Variants in FKBP5 observed in about 807,000 individuals in gnomAD.
FKBP5 encodes peptidyl-prolyl cis-trans isomerase FKBP5.
A neutral mutation model predicts 50.5 loss-of-function variants in FKBP5; 23 were observed. The ratio of observed to expected loss-of-function variants is 0.46; its 90% CI spans 0.33 to 0.65. The LOEUF (loss-of-function observed/expected upper bound fraction) is 0.65, where lower values mean the gene tolerates loss of function less well. FKBP5 is among the 30% of genes least tolerant of loss of function. FKBP5 has a pLI of 0.02. For missense variants in FKBP5, 411 were observed against 553.1 expected (o/e 0.74, Z 2.58); for synonymous variants, 176 against 190.6 (o/e 0.92, Z 0.63).
At chr6:35,602,450 C>T (rs1763174140) in intron 5 of FKBP5, among the ~76,000 whole-genome samples, 1 of 151,970 alleles carries the variant, frequency 6.6e-6, no homozygotes, top group Admixed American at 6.6e-5. Flanking sequence ...TACTACTCGA[C>T]AAGACTGGTT....
chr6:35,649,206 G>A (rs1237960323), intron 1 of FKBP5, among the ~76,000 whole-genome samples: 7 of 140,376 alleles, frequency 5.0e-5, no homozygotes, highest in South Asian at 4.4e-4. Context: ...AGCCAAGATC[G>A]CACCACTGCA....
At position 35,614,029 on chromosome 6, in the gene FKBP5, G is replaced by C. The variant is rs114317890; in HGVS notation, c.508+5067C>G. 7.3e-3 allele frequency among the ~76,000 whole-genome samples: 1,104 copies of C among 152,206 alleles called. 11 individuals are homozygous for C. The highest frequency in any genetic ancestry group is 0.023 in the African/African-American group (953 of 41,516). ...TCCTACCTCAGTCTTCTGGGTAGCTGGGACTAGAGGCATGTGCCATCACAT... is the reference window on the plus strand; with the variant it reads ...TCCTACCTCAGTCTTCTGGGTAGCTCGGACTAGAGGCATGTGCCATCACAT... On this transcript the variant is annotated intron_variant, in intron 5 of 10. Coordinates refer to ENST00000357266, the MANE Select transcript of FKBP5 (RefSeq NM_004117.4).
At chr6:35,726,173 G>A (rs922053154) in intron 1 of FKBP5, among the ~76,000 whole-genome samples, 3 of 152,212 alleles carry the variant, frequency 2.0e-5, no homozygotes, top group Non-Finnish European at 4.4e-5. Flanking sequence ...TACAGATGAC[G>A]GTGAGGAAGT....
intron 5 of FKBP5, among the ~76,000 whole-genome samples, chr6:35,608,113 A>C (rs1180689600): frequency 6.6e-6 from 1 of 152,230 alleles, no homozygotes; most frequent in Non-Finnish European, 1.5e-5. Flanking sequence ...TAAGTGAATT[A>C]ACACAGAAAC....
Position 35,591,118 on chromosome 6 carries a change from G to C in FKBP5, c.756+12C>G. On this transcript the variant is annotated intron_variant, in intron 7 of 10. Coordinates refer to ENST00000357266, the MANE Select transcript of FKBP5 (RefSeq NM_004117.4). Reference sequence around the variant, plus strand: ...ACCTACCATAATTTTAAGGAAGTTGGTATTTTCTCACCTTTTCGAAGCTCT... The same window carrying C: ...ACCTACCATAATTTTAAGGAAGTTGCTATTTTCTCACCTTTTCGAAGCTCT... The C allele has an allele frequency of 6.4e-7, 1 of 1,568,418 alleles. No individual in the cohort carries two copies. Among genetic ancestry groups the C allele is most frequent in the Admixed American group, 1.7e-5 (1 of 57,476 alleles).
chr6:35,605,701 A>C (rs2150968886), intron 5 of FKBP5, among the ~76,000 whole-genome samples: 1 of 152,244 alleles, frequency 6.6e-6, no homozygotes, highest in Non-Finnish European at 1.5e-5. Flanking sequence ...CCCAGCCGTC[A>C]ATATCATACT....
chr6:35,671,453 C>A (rs988765431), intron 1 of FKBP5, among the ~76,000 whole-genome samples: 7 of 151,706 alleles, frequency 4.6e-5, no homozygotes, highest in African/African-American at 1.5e-4. Flanking sequence ...TATAAAGCGC[C>A]TAACATTATA....
chr6:35,618,007 A>ATGATGAACTATTTTTTAATCT (rs1561860359), intron 5 of FKBP5, among the ~76,000 whole-genome samples: 1 of 152,224 alleles, frequency 6.6e-6, no homozygotes, highest in Non-Finnish European at 1.5e-5. Context: ...ATTGATCTAA[A>ATGATGAACTATTTTTTAATCT]TGATGAACTA....
chr6:35,720,315 AT>A (rs1359262117), intron 2 of FKBP5: 1 of 152,526 alleles, frequency 6.6e-6, no homozygotes, highest in Non-Finnish European at 1.5e-5. Flanking sequence ...CACGTACTCC[AT>A]GGGGTCCCTA....
At chr6:35,612,683 T>C (rs772453343) in intron 5 of FKBP5, among the ~76,000 whole-genome samples, 3 of 152,248 alleles carry the variant, frequency 2.0e-5, no homozygotes, top group Non-Finnish European at 4.4e-5. Context: ...CACACCCTTC[T>C]TCACATGGCG....
In FKBP5 at chr6:35,591,158, T is replaced by C; in HGVS notation, c.728A>G (p.Tyr243Cys). 6.2e-7 allele frequency: 1 copy of C among 1,613,028 alleles called. No individual in the cohort carries two copies. Among genetic ancestry groups the C allele is most frequent in the Non-Finnish European group, 8.5e-7 (1 of 1,179,476 alleles). Residue 243 changes from tyrosine (Y) to cysteine (C), a missense_variant, in exon 7 of 11, where the codon TAT (tyrosine) becomes TGT (cysteine). Transcript: ENST00000357266. ...TTCGAAGCTCTTAAGTGTAACTTCA[T>C]ATATAAGCTCAGCATTAGGTTCAAT... ...FGIEPNAELIYEVTLKSFEKA... is the reference protein window; with the variant it reads ...FGIEPNAELICEVTLKSFEKA...
chr6:35,600,365 T>C (rs1055621998), intron 5 of FKBP5, among the ~76,000 whole-genome samples: 4 of 151,692 alleles, frequency 2.6e-5, no homozygotes, highest in Admixed American at 1.3e-4. Flanking sequence ...CTGCAGTGAG[T>C]TGTTATTGCG....
chr6:35,680,153 A>T (rs1455719626), intron 1 of FKBP5, among the ~76,000 whole-genome samples: 1 of 152,122 alleles, frequency 6.6e-6, no homozygotes, highest in Non-Finnish European at 1.5e-5. Context: ...GAACCAGGCC[A>T]GGCACAGTGG....
intron 2 of FKBP5, among the ~76,000 whole-genome samples, chr6:35,701,403 C>G (rs1766186117): frequency 6.6e-6 from 1 of 151,250 alleles, no homozygotes; most frequent in Non-Finnish European, 1.5e-5. Context: ...GCCACTACAC[C>G]CGGCTAATTT....
At chr6:35,608,469 C>T (rs1301315676) in intron 5 of FKBP5, among the ~76,000 whole-genome samples, 2 of 152,120 alleles carry the variant, frequency 1.3e-5, no homozygotes, top group Admixed American at 6.5e-5. Context: ...CTGAAGCAGG[C>T]TGATCGCTTA....
At chr6:35,705,213 AATATATATAT>A (rs869253345) in intron 2 of FKBP5, among the ~76,000 whole-genome samples, 1,104 of 71,152 alleles carry the variant, frequency 0.016, 13 homozygotes, top group Admixed American at 0.024. Context: ...TATATGTACA[AATATATATAT>A]ATATATATAT....
chr6:35,666,343 T>C lies in FKBP5; in HGVS notation c.-20+22461A>G, dbSNP rs1486836381. On this transcript the variant is annotated intron_variant, in intron 1 of 10. Coordinates refer to ENST00000357266, the MANE Select transcript of FKBP5 (RefSeq NM_004117.4). ...TCACTTCCAGGAAATAACCTGTAGA[T>C]ATTCTCACAGAAGCAAGCAAAAATA... is the stretch of plus-strand genomic sequence containing the variant. Among the ~76,000 whole-genome samples the C allele has an allele frequency of 8.6e-5, 9 of 104,666 alleles. 1 individual carries two copies. The East Asian group carries it at 2.7e-3, about 32-fold the overall frequency. The allele number at this position is 104,666 out of a possible 152,430, so 68.7% of individuals were successfully genotyped here.
chr6:35,665,941 C>T (rs1275405269), intron 1 of FKBP5, among the ~76,000 whole-genome samples: 1 of 152,048 alleles, frequency 6.6e-6, no homozygotes, highest in Non-Finnish European at 1.5e-5. Flanking sequence ...TGGTTTTGCC[C>T]AACTGTAGGC....
intron 1 of FKBP5, among the ~76,000 whole-genome samples, chr6:35,688,476 G>C (rs1042369122): frequency 1.0e-3 from 152 of 151,644 alleles, no homozygotes; most frequent in Middle Eastern, 6.8e-3. Context: ...GGGCGGGCGC[G>C]ACCCGCCTCG....
Sources: allele counts gnomAD v4.1 joint callset (sites outside exome capture counted in the v4.1 genomes callset), GRCh38; gene constraint gnomAD v4.1.1; transcripts MANE v1.5; gene names NCBI Gene and HGNC (gene_info 2026-07-23, HGNC 2026-07-21).